Variants in TRIM49 observed in about 807,000 individuals in gnomAD.
TRIM49 encodes the protein tripartite motif containing 49, also known as tripartite motif-containing protein 49.
Under a neutral mutation model 27.4 loss-of-function variants are expected in TRIM49, and 5 were observed. The ratio of observed to expected loss-of-function variants is 0.18; its 90% CI spans 0.10 to 0.38. The LOEUF is 0.38. Ranked by LOEUF, TRIM49 falls within the 10% of genes least tolerant of loss-of-function variation. The pLI is 1.00. For missense variants in TRIM49, 188 were observed against 487.5 expected, an observed-to-expected ratio of 0.39 and a Z score of 5.79; for synonymous variants, 69 against 166.0, an observed-to-expected ratio of 0.42 and a Z score of 4.49.
intron 6 of TRIM49, among the ~76,000 whole-genome samples, chr11:89,800,734 C>T (rs527750932): frequency 6.6e-6 from 1 of 150,418 alleles, no homozygotes; most frequent in Non-Finnish European, 1.5e-5. Context: ...CAGAGCCAGA[C>T]ACCGTCTCAA....
At chr11:89,780,013 G>A in the TRIM49 span, among the ~76,000 whole-genome samples, 2 of 99,714 alleles carry the variant, frequency 2.0e-5, no homozygotes, top group South Asian at 3.3e-4. Context: ...AAATTACTCT[G>A]AGGAATCATA....
chr11:89,767,626 G>A, the TRIM49 span, among the ~76,000 whole-genome samples: 1 of 123,712 alleles, frequency 8.1e-6, no homozygotes, highest in Non-Finnish European at 1.5e-5. Context: ...TTTATCTGCT[G>A]GATTTATCAT....
chr11:89,770,106 T>C, the TRIM49 span, among the ~76,000 whole-genome samples: 1 of 112,096 alleles, frequency 8.9e-6, no homozygotes, highest in East Asian at 2.6e-4. Flanking sequence ...AAACAAGTAA[T>C]GAAGCTTAAA....
At chr11:89,807,486 A>C (rs1334864152) in intron 1 of TRIM49, among the ~76,000 whole-genome samples, 3 of 151,198 alleles carry the variant, frequency 2.0e-5, no homozygotes, top group Non-Finnish European at 4.4e-5. Context: ...GCTAGAAATT[A>C]ACTAAGATGC....
At chr11:89,791,349 C>T in the TRIM49 span, among the ~76,000 whole-genome samples, 834 of 145,124 alleles carry the variant, frequency 5.7e-3, no homozygotes, top group Middle Eastern at 0.011. Context: ...ACTTCCCCAA[C>T]CTAGCAAGGC....
the TRIM49 span, among the ~76,000 whole-genome samples, chr11:89,783,798 C>T: frequency 6.2e-5 from 9 of 145,450 alleles, no homozygotes; most frequent in Admixed American, 2.7e-4. Context: ...TAACAAAGAC[C>T]ACAAATTTGA....
chr11:89,777,563 T>C, the TRIM49 span, among the ~76,000 whole-genome samples: 15,113 of 107,160 alleles, frequency 0.14, 1,079 homozygotes, highest in African/African-American at 0.34. Context: ...ACTCTAATCA[T>C]AGCTGTGTTG....
At position 89,800,636 on chromosome 11, in the gene TRIM49, G is replaced by C. The variant is rs1319967760; in HGVS notation, c.761+330C>G. ...CGGGCGCCTGTAGTCCCGGGTACTC[G>C]GGAGGCTGAGGCAGGGGAATGGTGT... On this transcript the variant is annotated intron_variant, in intron 6 of 7. Transcript: ENST00000329758. Among the ~76,000 whole-genome samples, 6 of 149,872 alleles carry C rather than the reference G, an allele frequency of 4.0e-5. No homozygotes were observed. In the East Asian group the frequency reaches 1.2e-3, roughly 30 times the overall value.
At chr11:89,791,990 A>G in the TRIM49 span, among the ~76,000 whole-genome samples, 1 of 148,856 alleles carries the variant, frequency 6.7e-6, no homozygotes, top group African/African-American at 2.5e-5. Context: ...TGCTGTATTC[A>G]GGAAACCCAT....
downstream of TRIM49, among the ~76,000 whole-genome samples, chr11:89,796,003 T>A (rs1485478751): frequency 4.0e-5 from 6 of 151,498 alleles, no homozygotes; most frequent in African/African-American, 1.4e-4. Context: ...GCAAATCCTC[T>A]AGACATGAGA....
downstream of TRIM49, among the ~76,000 whole-genome samples, chr11:89,796,311 C>T (rs1156706797): frequency 6.6e-6 from 1 of 150,454 alleles, no homozygotes; most frequent in East Asian, 2.0e-4. Context: ...TGGCTCACTG[C>T]AGCCTGGACC....
At chr11:89,785,831 CGGGCTTGGGGCGGGAGCTA>C in the TRIM49 span, 2 of 144,506 alleles carry the variant, frequency 1.4e-5, no homozygotes, top group Admixed American at 6.8e-5. Flanking sequence ...AGGTTTCCGC[CGGGCTTGGGGCGGGAGCTA>C]GGGCTTCTCT....
intron 4 of TRIM49, among the ~76,000 whole-genome samples, chr11:89,802,601 A>G (rs1949747127): frequency 6.6e-6 from 1 of 151,016 alleles, no homozygotes; most frequent in Non-Finnish European, 1.5e-5. Flanking sequence ...ATACATACAT[A>G]CATACATATA....
intron 6 of TRIM49, among the ~76,000 whole-genome samples, chr11:89,800,314 T>A (rs1949724385): frequency 6.6e-6 from 1 of 151,692 alleles, no homozygotes; most frequent in Non-Finnish European, 1.5e-5. Flanking sequence ...TATGTATATA[T>A]GTATAAAAAA....
the TRIM49 span, among the ~76,000 whole-genome samples, chr11:89,773,124 G>A: frequency 4.4e-5 from 6 of 136,668 alleles, 2 homozygotes; most frequent in Non-Finnish European, 9.1e-5. Context: ...CTCGGAGGCA[G>A]AGGTTGCAGT....
chr11:89,792,416 T>C, the TRIM49 span, among the ~76,000 whole-genome samples: 1 of 150,810 alleles, frequency 6.6e-6, no homozygotes, highest in Non-Finnish European at 1.5e-5. Flanking sequence ...TACAGAACTC[T>C]CCACCCCAAA....
At chr11:89,802,472 A>G (rs1442378039) in intron 4 of TRIM49, among the ~76,000 whole-genome samples, 1 of 150,894 alleles carries the variant, frequency 6.6e-6, no homozygotes, top group Non-Finnish European at 1.5e-5. Flanking sequence ...AGTCTGAAAC[A>G]TAGACTTCTT....
chr11:89,773,375 TA>T, the TRIM49 span, among the ~76,000 whole-genome samples: 5 of 117,524 alleles, frequency 4.3e-5, no homozygotes, highest in Non-Finnish European at 8.3e-5. Context: ...CATTAGGAAA[TA>T]GTCATAAAAT....
intron 2 of TRIM49, among the ~76,000 whole-genome samples, chr11:89,806,326 T>A (rs1398510324): frequency 2.0e-5 from 3 of 150,626 alleles, no homozygotes; most frequent in African/African-American, 7.5e-5. Flanking sequence ...TATGTATACA[T>A]CCTATGGTTC....
Sources: gnomAD v4.1 joint callset for allele counts (sites outside exome capture counted in the v4.1 genomes callset) on GRCh38, gnomAD v4.1.1 for gene constraint, MANE v1.5 for transcripts, NCBI Gene and HGNC (gene_info 2026-07-23, HGNC 2026-07-21) for gene names.